The following RASEF variants were observed in gnomAD, a reference collection of about 807,000 sequenced individuals.
RASEF encodes ras and EF-hand domain-containing protein.
In RASEF, 68 loss-of-function variants were observed where a neutral mutation model predicts 90.1. That is an observed-to-expected ratio of 0.75 (90% CI 0.62 to 0.92). The LOEUF (loss-of-function observed/expected upper bound fraction) is 0.92. Among genes scored for constraint, RASEF ranks in the 40% least tolerant of loss-of-function variants. RASEF has a pLI of 0.00. For missense variants in RASEF, 949 were observed against 937.2 expected (o/e 1.01, Z -0.16); for synonymous variants, 331 against 345.2 (o/e 0.96, Z 0.46).
At position 83,012,464 on chromosome 9, in the gene RASEF, T is replaced by C. The variant is rs764360068; in HGVS notation, c.813A>G (p.Ala271=). Residue 271 remains alanine, a synonymous_variant, in exon 5 of 17, where the codon GCA becomes GCG. Coordinates refer to ENST00000376447, the MANE Select transcript of RASEF (RefSeq NM_152573.4). ...KRVSQKEDVA[A]LKKQIYDLSM... is the part of the protein sequence containing the mutation. ...ATAAATCATAAATTTGTTTTTTCAA[T>C]GCAGCCACATCTTCCTTTTGACTTA... 7 of 1,590,670 alleles carry C rather than the reference T, an allele frequency of 4.4e-6. 1 individual carries two copies. Among genetic ancestry groups the C allele is most frequent in the Middle Eastern group, 3.3e-4 (2 of 5,998 alleles).
chr9:83,160,149 T>C, the RASEF span, among the ~76,000 whole-genome samples: 1 of 152,186 alleles, frequency 6.6e-6, no homozygotes, highest in Admixed American at 6.5e-5. Context: ...GGGGCACTGC[T>C]GAAAAGATAT....
the RASEF span, among the ~76,000 whole-genome samples, chr9:83,119,410 A>G: frequency 6.6e-6 from 1 of 152,148 alleles, no homozygotes; most frequent in African/African-American, 2.4e-5. Context: ...CTATAAGGAA[A>G]CTTTTCACAT....
At chr9:83,167,522 A>G in the RASEF span, among the ~76,000 whole-genome samples, 2 of 152,148 alleles carry the variant, frequency 1.3e-5, no homozygotes, top group South Asian at 4.1e-4. Flanking sequence ...TTTTATTGAC[A>G]TATAACTCAC....
intron 1 of RASEF, among the ~76,000 whole-genome samples, chr9:83,029,424 G>A (rs563555814): frequency 1.1e-4 from 16 of 139,284 alleles, no homozygotes; most frequent in African/African-American, 3.8e-4. Context: ...ACTGAGTCTC[G>A]CTCTGTCACC....
At chr9:83,070,084 T>G in the RASEF span, among the ~76,000 whole-genome samples, 2 of 151,014 alleles carry the variant, frequency 1.3e-5, no homozygotes, top group African/African-American at 5.0e-5. Flanking sequence ...AATCTGTGCT[T>G]TGCCTTTACA....
At chr9:83,074,779 G>C in the RASEF span, among the ~76,000 whole-genome samples, 1,147 of 152,318 alleles carry the variant, frequency 7.5e-3, 22 homozygotes, top group African/African-American at 0.026. Context: ...AGGAAAAAGG[G>C]AAGGATGAAC....
At chr9:83,136,482 T>C in the RASEF span, among the ~76,000 whole-genome samples, 1 of 152,140 alleles carries the variant, frequency 6.6e-6, no homozygotes, top group African/African-American at 2.4e-5. Context: ...GATAAATTTA[T>C]GCATGGGGGA....
At chr9:83,101,761 G>A in the RASEF span, among the ~76,000 whole-genome samples, 51 of 152,268 alleles carry the variant, frequency 3.3e-4, no homozygotes, top group African/African-American at 1.2e-3. Context: ...TTAAGTTCTT[G>A]CTACATTTTC....
At chr9:83,069,095 A>G in the RASEF span, among the ~76,000 whole-genome samples, 2 of 152,220 alleles carry the variant, frequency 1.3e-5, no homozygotes, top group Non-Finnish European at 2.9e-5. Flanking sequence ...GAAGGATCCT[A>G]CTTAAGTTTC....
chr9:83,099,179 T>C, the RASEF span, among the ~76,000 whole-genome samples: 39 of 152,334 alleles, frequency 2.6e-4, no homozygotes, highest in East Asian at 6.4e-3. Context: ...GTACCTGTTA[T>C]AGTCTGATTT....
the RASEF span, among the ~76,000 whole-genome samples, chr9:83,140,643 G>A: frequency 1.3e-5 from 2 of 152,260 alleles, no homozygotes; most frequent in East Asian, 3.9e-4. Flanking sequence ...ATTCAAGGTT[G>A]TGTAATCAGG....
At chr9:83,048,820 T>C (rs1170737274) in intron 1 of RASEF, 4 of 928,240 alleles carry the variant, frequency 4.3e-6, no homozygotes, top group Non-Finnish European at 5.1e-6. Context: ...TTGATTAACA[T>C]GTAGACCTTA....
chr9:83,088,779 T>G, the RASEF span, among the ~76,000 whole-genome samples: 1 of 152,180 alleles, frequency 6.6e-6, no homozygotes, highest in Non-Finnish European at 1.5e-5. Flanking sequence ...TATATCTTTT[T>G]TCATCCTTTT....
intron 2 of RASEF, among the ~76,000 whole-genome samples, chr9:83,023,318 G>C (rs1829476997): frequency 1.3e-5 from 2 of 152,208 alleles, no homozygotes; most frequent in Non-Finnish European, 2.9e-5. Flanking sequence ...TCTCTATGGA[G>C]ACAGAGCACA....
At chr9:83,049,309 G>C in intron 1 of RASEF, 1 of 985,274 alleles carries the variant, frequency 1.0e-6, no homozygotes, top group African/African-American at 1.7e-5. Flanking sequence ...GCAATAGTCA[G>C]CTAACCTGAC....
At chr9:83,032,667 T>A in intron 1 of RASEF, among the ~76,000 whole-genome samples, 1 of 152,202 alleles carries the variant, frequency 6.6e-6, no homozygotes, top group East Asian at 1.9e-4. Flanking sequence ...CAATGGCTAA[T>A]TACTGATGAA....
At chr9:83,040,762 T>C (rs1336813237) in intron 1 of RASEF, among the ~76,000 whole-genome samples, 1 of 152,264 alleles carries the variant, frequency 6.6e-6, no homozygotes, top group Admixed American at 6.5e-5. Context: ...CATCACGTTT[T>C]GTTTACAGTT....
chr9:83,060,060 T>A (rs1316778130), intron 1 of RASEF, among the ~76,000 whole-genome samples: 1 of 152,156 alleles, frequency 6.6e-6, no homozygotes, highest in African/African-American at 2.4e-5. Context: ...TTTGCCTTTA[T>A]AGGAACCAAA....
At chr9:83,209,433 AT>A in the RASEF span, among the ~76,000 whole-genome samples, 1 of 152,320 alleles carries the variant, frequency 6.6e-6, no homozygotes, top group East Asian at 1.9e-4. Context: ...AAAAAGAGAC[AT>A]TTTTTAAATA....
Sources: gnomAD v4.1 joint callset for allele counts (sites outside exome capture counted in the v4.1 genomes callset) on GRCh38, gnomAD v4.1.1 for gene constraint, MANE v1.5 for transcripts, NCBI Gene and HGNC (gene_info 2026-07-23, HGNC 2026-07-21) for gene names.